NR2F6: variants seen among roughly 807,000 people sequenced by gnomAD.
NR2F6 encodes the protein nuclear receptor subfamily 2 group F member 6.
Under a neutral mutation model 26.5 loss-of-function variants are expected in NR2F6, and 16 were observed. The observed-to-expected ratio is 0.60, with a 90% CI of 0.41 to 0.92. NR2F6 has a LOEUF of 0.92. Ranked by LOEUF, NR2F6 falls within the 40% of genes least tolerant of loss-of-function variation. The pLI, the probability that NR2F6 is intolerant of heterozygous loss-of-function variation, is 0.00. For synonymous variants in NR2F6, 325 were observed against 305.0 expected, an observed-to-expected ratio of 1.07 and a Z score of -0.68; for missense variants, 536 against 631.7, an observed-to-expected ratio of 0.85 and a Z score of 1.62.
At position 17,232,088 on chromosome 19, in the gene NR2F6, A is replaced by C; in HGVS notation, c.*264T>G. 2.1e-5 allele frequency: 10 copies of C among 470,096 alleles called. No individual in the cohort carries two copies. Among genetic ancestry groups the C allele is most frequent in the East Asian group, 1.3e-4 (3 of 23,410 alleles). The allele number at this position is 470,096 out of a possible 1,614,324, so 29.1% of individuals were successfully genotyped here. Reference sequence around the variant, plus strand: ...AAGTTCATGCTAGGGGTGCTGAGGAACAAGGCTGTCCTAGGATTGGACCCT... The same window carrying C: ...AAGTTCATGCTAGGGGTGCTGAGGACCAAGGCTGTCCTAGGATTGGACCCT... On this transcript the variant is annotated 3_prime_UTR_variant, in exon 4 of 4. Transcript: ENST00000291442.
In NR2F6 at chr19:17,240,814, C is replaced by T. The variant is rs374314179; in HGVS notation, c.279-49G>A. ...CTCCCTGAGACCCCCATATCCTCCT[C>T]CCCGAACCAGCCTATGAGCCGCCTT... On this transcript the variant is annotated intron_variant, in intron 1 of 3. Coordinates refer to ENST00000291442, the MANE Select transcript of NR2F6 (RefSeq NM_005234.4). 51 of 1,584,958 alleles carry T rather than the reference C, an allele frequency of 3.2e-5. No homozygotes were observed. The Middle Eastern group carries it at 6.7e-4, about 21-fold the overall frequency.
chr19:17,233,706 G>C (rs2073420511), intron 3 of NR2F6, among the ~76,000 whole-genome samples: 1 of 151,968 alleles, frequency 6.6e-6, no homozygotes, highest in African/African-American at 2.4e-5. Flanking sequence ...GTGTTGGCCA[G>C]GCTGGTCTTG....
At chr19:17,244,001 C>T (rs551366142) in intron 1 of NR2F6, among the ~76,000 whole-genome samples, 1 of 152,240 alleles carries the variant, frequency 6.6e-6, no homozygotes, top group African/African-American at 2.4e-5. Flanking sequence ...TATAAACGGA[C>T]AGATCGGATG....
intron 2 of NR2F6, among the ~76,000 whole-genome samples, chr19:17,239,336 AAAAACAAAAC>A (rs137878588): frequency 4.0e-5 from 6 of 149,360 alleles, no homozygotes; most frequent in African/African-American, 1.5e-4. Context: ...ACTCTGTCTC[AAAAACAAAAC>A]AAAACAAAAT....
chr19:17,238,275 G>T (rs73931850), intron 2 of NR2F6, among the ~76,000 whole-genome samples: 1 of 152,172 alleles, frequency 6.6e-6, no homozygotes, highest in African/African-American at 2.4e-5. Flanking sequence ...TGGTCTAGGC[G>T]CTGGGGAACA....
chr19:17,236,004 G>A lies in NR2F6; in HGVS notation c.435C>T (p.Ser145=), dbSNP rs931457611. Residue 145 remains serine, a synonymous_variant, in exon 3 of 4, where the codon AGC becomes AGT. Coordinates refer to ENST00000291442, the MANE Select transcript of NR2F6 (RefSeq NM_005234.4). ...LPGAVAASSG[S]PPGSALAAVA... ...CTGCCGCCAGCGCCGAGCCCGGGGG[G>A]CTGCCCGAGGAGGCGGCCACGGCAC... The A allele has an allele frequency of 1.9e-4, 271 of 1,424,618 alleles. No individual in the cohort carries two copies. The highest frequency in any genetic ancestry group is 2.4e-4 in the Non-Finnish European group (258 of 1,094,710). The allele number at this position is 1,424,618 out of a possible 1,614,324, so 88.2% of individuals were successfully genotyped here.
rs1269161366 is a variant in NR2F6 at position 17,232,415 on chromosome 19, T to C, written c.1152A>G (p.Thr384=). Residue 384 remains threonine, a synonymous_variant, in exon 4 of 4, where the codon ACA becomes ACG. Coordinates refer to ENST00000291442, the MANE Select transcript of NR2F6 (RefSeq NM_005234.4). ...MRLVGKTPIE[T]LIRDMLLSGS... ...CCGACAGCAGCATGTCTCTGATCAG[T>C]GTCTCAATGGGCGTCTTCCCCACCA... The C allele has an allele frequency of 1.2e-6, 2 of 1,614,080 alleles. No individual in the cohort carries two copies. The highest frequency in any genetic ancestry group is 1.7e-5 in the Admixed American group (1 of 60,026).
intron 1 of NR2F6, among the ~76,000 whole-genome samples, chr19:17,241,417 A>G (rs897588210): frequency 2.6e-5 from 4 of 152,232 alleles, no homozygotes. Context: ...TGCAAGCTGG[A>G]GATTTTCCTG....
chr19:17,242,567 CT>C (rs2073475499), intron 1 of NR2F6, among the ~76,000 whole-genome samples: 1 of 152,232 alleles, frequency 6.6e-6, no homozygotes, highest in African/African-American at 2.4e-5. Context: ...CGTACCCCCC[CT>C]CCACCACTGC....
Position 17,232,014 on chromosome 19 carries a change from C to T in NR2F6, c.*338G>A, listed in dbSNP as rs893760076. The T allele has an allele frequency of 7.7e-5, 25 of 326,706 alleles. No homozygotes were observed. Among genetic ancestry groups the T allele is most frequent in the South Asian group, 6.5e-4 (19 of 29,162 alleles). 20.2% of individuals were successfully genotyped at this position (326,706 alleles called of 1,614,324 possible). On this transcript the variant is annotated 3_prime_UTR_variant, in exon 4 of 4. Coordinates refer to ENST00000291442, the MANE Select transcript of NR2F6 (RefSeq NM_005234.4). Reference sequence around the variant, plus strand: ...CCACTGGAGCAGCCCCTCTGGCCGACGCCAGGCCTTTGTCCATCATGCCAG... The same window carrying T: ...CCACTGGAGCAGCCCCTCTGGCCGATGCCAGGCCTTTGTCCATCATGCCAG...
Position 17,232,257 on chromosome 19 carries a change from T to A in NR2F6, c.*95A>T. On this transcript the variant is annotated 3_prime_UTR_variant, in exon 4 of 4. Coordinates refer to ENST00000291442, the MANE Select transcript of NR2F6 (RefSeq NM_005234.4). ...AGAAGTCTGAGGAGAGAAGCCAGAG[T>A]CCTGGGCCCCGGGAGGCCCCTCGAG... is the stretch of plus-strand genomic sequence containing the variant. 2 of 1,518,824 alleles carry A rather than the reference T, an allele frequency of 1.3e-6. No individual in the cohort carries two copies. 94.1% of individuals were successfully genotyped at this position (1,518,824 alleles called of 1,614,324 possible).
rs1030004933 is a variant in NR2F6 at position 17,236,048 on chromosome 19, T to C, written c.391A>G (p.Ile131Val). 17 of 1,193,640 alleles carry C rather than the reference T, an allele frequency of 1.4e-5. No individual in the cohort carries two copies. In the Admixed American group the frequency reaches 6.1e-4, roughly 43 times the overall value. 73.9% of individuals were successfully genotyped at this position (1,193,640 alleles called of 1,614,324 possible). A position where few individuals can be genotyped will look rare whatever the true frequency, so the allele number is the denominator to read the frequency against. The change falls in exon 3 of 4, where the codon ATC becomes GTC. Residue 131 changes from isoleucine to valine, a missense_variant. Coordinates refer to ENST00000291442, the MANE Select transcript of NR2F6 (RefSeq NM_005234.4). ...MRKEAVQRGR[I>V]PHSLPGAVAA... is the part of the protein sequence containing the mutation. Reference sequence around the variant, plus strand: ...ACGGCACCAGGCAGCGAGTGCGGGATGCGGCCGCGCTGCACCGCTGCGGGA... The same window carrying C: ...ACGGCACCAGGCAGCGAGTGCGGGACGCGGCCGCGCTGCACCGCTGCGGGA...
Position 17,245,159 on chromosome 19 carries a change from G to A in NR2F6, c.62C>T (p.Ala21Val). ...CTCGGCCGCGCGCGGGTAGCCGCCC[G>A]CCTTGTCCACGCCGTTCGTGTCGCC... ...PGGDTNGVDK[A>V]GGYPRAAEDD... Residue 21 changes from alanine (A) to valine (V), a missense_variant, in exon 1 of 4, where the codon GCG becomes GTG. Transcript: ENST00000291442. This position sits in a 1 kb window ranked among gnomAD's most constrained non-coding sequence, Gnocchi z 5.0. 1 of 1,434,114 alleles carries A rather than the reference G, an allele frequency of 7.0e-7. No homozygotes were observed. Among genetic ancestry groups the A allele is most frequent in the South Asian group, 1.4e-5 (1 of 69,470 alleles). 88.8% of individuals were successfully genotyped at this position (1,434,114 alleles called of 1,614,324 possible).
At chr19:17,240,868 G>C in intron 1 of NR2F6, 103 bp from the exon 2 acceptor site, 1 of 1,140,586 alleles carries the variant, frequency 8.8e-7, no homozygotes, top group Non-Finnish European at 1.3e-6. Context: ...AATACTAGTA[G>C]GGGCCCTCTA....
intron 1 of NR2F6, among the ~76,000 whole-genome samples, chr19:17,243,827 A>C (rs922361145): frequency 4.0e-5 from 6 of 151,800 alleles, no homozygotes; most frequent in Non-Finnish European, 7.4e-5. Context: ...CAGTTCCCCC[A>C]CAGTGCCCCC....
At chr19:17,241,484 C>T (rs529276984) in intron 1 of NR2F6, among the ~76,000 whole-genome samples, 1 of 152,344 alleles carries the variant, frequency 6.6e-6, no homozygotes, top group East Asian at 1.9e-4. Context: ...TGGCCCCACC[C>T]TGAGAGGTGG....
intron 1 of NR2F6, chr19:17,244,089 C>G (rs1045547936): frequency 1.3e-5 from 2 of 152,324 alleles, no homozygotes; most frequent in South Asian, 2.1e-4. Context: ...TCCGCCAGAA[C>G]AGCTAGCAAG....
At chr19:17,233,301 G>C (rs1378516400) in intron 3 of NR2F6, among the ~76,000 whole-genome samples, 1 of 141,814 alleles carries the variant, frequency 7.1e-6, no homozygotes, top group East Asian at 2.4e-4. Context: ...AGAGTAATAA[G>C]ACCCTGTCTC....
At chr19:17,232,660 G>C (rs184901326) in intron 3 of NR2F6, 34 bp from the exon 4 acceptor site, 1 of 1,511,264 alleles carries the variant, frequency 6.6e-7, no homozygotes, top group African/African-American at 1.4e-5. Flanking sequence ...ACAGGTGGGA[G>C]GCAGCTAGAG....
Sources: gnomAD v4.1 joint callset for allele counts (sites outside exome capture counted in the v4.1 genomes callset) on GRCh38, gnomAD v4.1.1 for gene constraint, Gnocchi (gnomAD v3.1) non-coding constraint, MANE v1.5 for transcripts, NCBI Gene and HGNC (gene_info 2026-07-23, HGNC 2026-07-21) for gene names.